PRDM16: variants seen among roughly 807,000 people sequenced by gnomAD.
PRDM16 encodes histone-lysine N-methyltransferase PRDM16.
In PRDM16, 23 loss-of-function variants were observed where a neutral mutation model predicts 110.6. That is an observed-to-expected ratio of 0.21 (90% CI 0.15 to 0.29). PRDM16 has a LOEUF of 0.29. Ranked by LOEUF, PRDM16 falls within the 10% of genes least tolerant of loss-of-function variation. The pLI is 1.00. For synonymous variants in PRDM16, 799 were observed against 781.8 expected (o/e 1.02, Z -0.37); for missense variants, 1,615 against 1,794.3 (o/e 0.90, Z 1.81).
chr1:3,335,471 G>T (rs141319936), intron 3 of PRDM16, among the ~76,000 whole-genome samples: 3 of 152,142 alleles, frequency 2.0e-5, no homozygotes, highest in African/African-American at 2.4e-5. Flanking sequence ...GTCCGAAAGC[G>T]TGCTCAACAG....
At chr1:3,268,644 G>A (rs572709568) in intron 3 of PRDM16, among the ~76,000 whole-genome samples, 71 of 152,226 alleles carry the variant, frequency 4.7e-4, no homozygotes, top group Admixed American at 2.0e-4. Context: ...TGCCCCTGCA[G>A]CACCCCTTCC....
rs1420798394 is a variant in PRDM16, at chr1:3,080,686, C to A, written c.37+11390C>A. On this transcript the variant is annotated intron_variant, in intron 1 of 16. Transcript: ENST00000270722. The surrounding 1 kb of genome is among the most constrained non-coding windows in gnomAD (Gnocchi z 5.2). Reference sequence around the variant, plus strand: ...CAGCCTGAGAAAAAGCAAACTTGAGCAAAGCCAGCTTGCTCTCCCCCTCGG... The same window carrying A: ...CAGCCTGAGAAAAAGCAAACTTGAGAAAAGCCAGCTTGCTCTCCCCCTCGG... Among the ~76,000 whole-genome samples, 1 of 152,162 alleles carries A rather than the reference C, an allele frequency of 6.6e-6. No homozygotes were observed. The highest frequency in any genetic ancestry group is 2.4e-5 in the African/African-American group (1 of 41,440).
chr1:3,399,055 A>G (rs956569767), intron 5 of PRDM16, among the ~76,000 whole-genome samples: 8 of 152,248 alleles, frequency 5.3e-5, no homozygotes, highest in African/African-American at 1.9e-4. Context: ...ACCACGGGGA[A>G]GCCACTTTCA....
rs201750275 is a variant in PRDM16 at position 3,339,755 on chromosome 1, C to G, written c.439-45397C>G. On this transcript the variant is annotated intron_variant, in intron 3 of 16. Transcript: ENST00000270722. This position sits in a 1 kb window ranked among gnomAD's most constrained non-coding sequence, Gnocchi z 5.0. ...AACTGTGGGAGACGGGGCTAAACTC[C>G]CCCCTCACCTGCCTCACCATTCCCT... 6.6e-5 allele frequency among the ~76,000 whole-genome samples: 10 copies of G among 152,282 alleles called. 1 individual carries two copies. The East Asian group carries it at 1.9e-3, about 29-fold the overall frequency.
rs756012731 is a variant in PRDM16 at position 3,405,016 on chromosome 1, T to A, written c.1032+130T>A. 3.2e-5 allele frequency: 31 copies of A among 983,638 alleles called. 1 individual carries two copies. The highest frequency in any genetic ancestry group is 4.3e-5 in the Non-Finnish European group (29 of 679,442). The allele number at this position is 983,638 out of a possible 1,614,324, so 60.9% of individuals were successfully genotyped here. A position where few individuals can be genotyped will look rare whatever the true frequency, so the allele number is the denominator to read the frequency against. The stretch of plus-strand genomic sequence containing the variant: ...TGCGGCAGAGTGGGTAGGAGGCCCC[T>A]GCGGTGGCTCGGGCCCTTCCGTGTG... On this transcript the variant is annotated intron_variant, in intron 7 of 16. Coordinates refer to ENST00000270722, the MANE Select transcript of PRDM16 (RefSeq NM_022114.4).
At chr1:3,279,408 C>T (rs576783319) in intron 3 of PRDM16, among the ~76,000 whole-genome samples, 13 of 152,334 alleles carry the variant, frequency 8.5e-5, no homozygotes, top group Middle Eastern at 6.8e-3. Flanking sequence ...CAGTGTCAGC[C>T]GCTCCGGGCG....
chr1:3,181,892 T>C (rs1259823766), intron 1 of PRDM16, among the ~76,000 whole-genome samples: 57 of 94,230 alleles, frequency 6.0e-4, no homozygotes, highest in Non-Finnish European at 1.8e-4. Flanking sequence ...ACACGCAGTC[T>C]TACACACGGT....
chr1:3,316,477 A>G (rs1641604226), intron 3 of PRDM16, among the ~76,000 whole-genome samples: 1 of 152,242 alleles, frequency 6.6e-6, no homozygotes, highest in African/African-American at 2.4e-5. Flanking sequence ...GATTCAGGAC[A>G]GGGAGGACCT....
At chr1:3,431,602 C>T (rs1638770349) in intron 15 of PRDM16, among the ~76,000 whole-genome samples, 1 of 152,054 alleles carries the variant, frequency 6.6e-6, no homozygotes, top group South Asian at 2.1e-4. Flanking sequence ...CACTTCCTCT[C>T]CAGCCTGGAT....
Position 3,437,546 on chromosome 1 carries a change from C to T in PRDM16, c.*3735C>T, listed in dbSNP as rs1364411144. The T allele has an allele frequency of 8.8e-6, 2 of 228,482 alleles. No individual in the cohort carries two copies. Among genetic ancestry groups the T allele is most frequent in the East Asian group, 1.2e-4 (2 of 16,054 alleles). The allele number at this position is 228,482 out of a possible 1,614,324, so 14.2% of individuals were successfully genotyped here. On this transcript the variant is annotated 3_prime_UTR_variant, in exon 17 of 17. Transcript: ENST00000270722. ...GGGAGGGCAAGGCTCTCCTCCCAGC[C>T]AGGGACGCCAGGACATAGCTGCTCC...
At chr1:3,287,345 T>C (rs77927143) in intron 3 of PRDM16, among the ~76,000 whole-genome samples, 3,272 of 98,854 alleles carry the variant, frequency 0.033, 69 homozygotes, top group Middle Eastern at 0.062. Context: ...CAGGATTGCA[T>C]TTACCGGGGC....
intron 10 of PRDM16, among the ~76,000 whole-genome samples, chr1:3,417,566 T>C (rs1034125644): frequency 6.6e-6 from 1 of 152,148 alleles, no homozygotes; most frequent in Non-Finnish European, 1.5e-5. Context: ...GGCTGGTTGC[T>C]AAAGATCAGT....
rs1638962846 is a variant in PRDM16, at chr1:3,213,983, T to C, written c.387+27509T>C. ...GCCAGGCAAGCTGCGCCCAGACACA[T>C]GTCGGAGTCTCGTGTGGCCACTGGG... On this transcript the variant is annotated intron_variant, in intron 2 of 16. Transcript: ENST00000270722. The surrounding 1 kb of genome is among the most constrained non-coding windows in gnomAD (Gnocchi z 5.3). 6.6e-6 allele frequency among the ~76,000 whole-genome samples: 1 copy of C among 152,042 alleles called. No individual in the cohort carries two copies. Among genetic ancestry groups the C allele is most frequent in the African/African-American group, 2.4e-5 (1 of 41,398 alleles).
intron 2 of PRDM16, among the ~76,000 whole-genome samples, chr1:3,225,573 T>TGCGTGCGC (rs1639270059): frequency 1.5e-5 from 2 of 129,910 alleles, no homozygotes; most frequent in African/African-American, 5.3e-5. Context: ...TGTGTGTGTG[T>TGCGTGCGC]GCGCGCGCGC....
intron 16 of PRDM16, among the ~76,000 whole-genome samples, chr1:3,432,518 G>A (rs1381532476): frequency 6.6e-6 from 1 of 152,228 alleles, no homozygotes; most frequent in African/African-American, 2.4e-5. Context: ...TTTCCCGGGG[G>A]AAGAGCTGTC....
chr1:3,178,858 G>A (rs1644119790), intron 1 of PRDM16, among the ~76,000 whole-genome samples: 1 of 152,134 alleles, frequency 6.6e-6, no homozygotes, highest in Non-Finnish European at 1.5e-5. Flanking sequence ...GGGGATGCAG[G>A]GGCTGCTGGC....
rs1643747540 is a variant in PRDM16, at chr1:3,414,552, T to C, written c.2604-8T>C. ...GTGGGGTACGTAACCCTCTGTGCTGTTGTCCAGCAGGGTAGAAAAGCGGAA... is the reference window on the plus strand; with the variant it reads ...GTGGGGTACGTAACCCTCTGTGCTGCTGTCCAGCAGGGTAGAAAAGCGGAA... On this transcript the variant is annotated splice_polypyrimidine_tract_variant and splice_region_variant and intron_variant, in intron 9 of 16. Coordinates refer to ENST00000270722, the MANE Select transcript of PRDM16 (RefSeq NM_022114.4). 6.2e-7 allele frequency: 1 copy of C among 1,609,506 alleles called. No homozygotes were observed. The highest frequency in any genetic ancestry group is 1.3e-5 in the African/African-American group (1 of 74,800).
rs770141414 is a variant in PRDM16 at position 3,069,287 on chromosome 1, C to T, written c.28C>T (p.Leu10=). MRSKARARK[L]AKSDGDVVNN... is the part of the protein sequence containing the mutation. ...GCGATCCAAGGCGAGGGCGAGGAAG[C>T]TAGCCAAAAGTAAGTCTCCCGCGCT... is the stretch of plus-strand genomic sequence containing the variant. The change falls in exon 1 of 17, where the codon CTA becomes TTA. Residue 10 remains leucine, a synonymous_variant. Transcript: ENST00000270722. The surrounding 1 kb of genome is among the most constrained non-coding windows in gnomAD (Gnocchi z 6.1). 1 of 1,548,282 alleles carries T rather than the reference C, an allele frequency of 6.5e-7. No homozygotes were observed. Among genetic ancestry groups the T allele is most frequent in the South Asian group, 1.2e-5 (1 of 85,488 alleles).
chr1:3,350,773 T>C lies in PRDM16; in HGVS notation c.439-34379T>C, dbSNP rs558878412. ...TTTGTGTCTGCCGACTTCTTCCCAA[T>C]GCCGCGTCCAGTGTTTTCCTCTTTC... On this transcript the variant is annotated intron_variant, in intron 3 of 16. Coordinates refer to ENST00000270722, the MANE Select transcript of PRDM16 (RefSeq NM_022114.4). The surrounding 1 kb of genome is among the most constrained non-coding windows in gnomAD (Gnocchi z 7.1). Among the ~76,000 whole-genome samples, 7 of 152,124 alleles carry C rather than the reference T, an allele frequency of 4.6e-5. No individual in the cohort carries two copies. Among genetic ancestry groups the C allele is most frequent in the Admixed American group, 1.3e-4 (2 of 15,282 alleles).
Sources: gnomAD v4.1 joint callset for allele counts (sites outside exome capture counted in the v4.1 genomes callset) on GRCh38, gnomAD v4.1.1 for gene constraint, Gnocchi (gnomAD v3.1) non-coding constraint, MANE v1.5 for transcripts, NCBI Gene and HGNC (gene_info 2026-07-23, HGNC 2026-07-21) for gene names.